The following ARB2A variants were observed in gnomAD, a reference collection of about 807,000 sequenced individuals.
ARB2A encodes the protein cotranscriptional regulator ARB2A.
the ARB2A span, among the ~76,000 whole-genome samples, chr5:93,655,801 C>CAT: frequency 1.3e-5 from 2 of 152,324 alleles, no homozygotes; most frequent in African/African-American, 4.8e-5. Flanking sequence ...GGAAGGGCCA[C>CAT]ATATGACAAC....
chr5:93,646,775 T>C, the ARB2A span, among the ~76,000 whole-genome samples: 1 of 152,050 alleles, frequency 6.6e-6, no homozygotes, highest in African/African-American at 2.4e-5. Context: ...AAAACAAATT[T>C]AAATATATAA....
chr5:93,693,055 G>T, the ARB2A span, among the ~76,000 whole-genome samples: 3 of 152,192 alleles, frequency 2.0e-5, no homozygotes, highest in African/African-American at 7.2e-5. Flanking sequence ...TGAAAGCAGT[G>T]TTTAGAGGGA....
At chr5:93,801,932 G>T in the ARB2A span, among the ~76,000 whole-genome samples, 2 of 151,984 alleles carry the variant, frequency 1.3e-5, no homozygotes, top group Admixed American at 6.6e-5. Context: ...AACCAGTAAA[G>T]AATTTTTAGA....
the ARB2A span, among the ~76,000 whole-genome samples, chr5:93,627,365 G>T: frequency 6.6e-6 from 1 of 151,782 alleles, no homozygotes; most frequent in Non-Finnish European, 1.5e-5. Context: ...TTTCCAGAAG[G>T]CTCTCTCAAT....
chr5:93,989,457 T>C, the ARB2A span, among the ~76,000 whole-genome samples: 1 of 152,178 alleles, frequency 6.6e-6, no homozygotes, highest in Non-Finnish European at 1.5e-5. Context: ...ATGTGATTTC[T>C]ATTCCACAGA....
At chr5:93,740,253 C>T in the ARB2A span, 4 of 218,224 alleles carry the variant, frequency 1.8e-5, no homozygotes, top group African/African-American at 9.2e-5. Flanking sequence ...CCTATGTTTA[C>T]TGATAACCAC....
the ARB2A span, among the ~76,000 whole-genome samples, chr5:93,728,540 G>GT: frequency 7.9e-5 from 12 of 151,896 alleles, no homozygotes; most frequent in East Asian, 1.9e-4. Context: ...CTGATTAACA[G>GT]TTTTTTTTAA....
At chr5:93,702,574 G>T in the ARB2A span, among the ~76,000 whole-genome samples, 8 of 152,088 alleles carry the variant, frequency 5.3e-5, no homozygotes, top group Admixed American at 3.3e-4. Flanking sequence ...CTAGTATTCA[G>T]AAAAGTATCT....
chr5:93,661,685 T>C, the ARB2A span, among the ~76,000 whole-genome samples: 1 of 151,980 alleles, frequency 6.6e-6, no homozygotes, highest in African/African-American at 2.4e-5. Context: ...AAAACTCTCA[T>C]AATGTTTTTA....
chr5:94,014,164 C>G, the ARB2A span, among the ~76,000 whole-genome samples: 4 of 152,280 alleles, frequency 2.6e-5, no homozygotes, highest in South Asian at 8.3e-4. Flanking sequence ...CCAAATGAGA[C>G]ACCGAATCAA....
the ARB2A span, among the ~76,000 whole-genome samples, chr5:93,756,651 C>A: frequency 6.6e-6 from 1 of 152,106 alleles, no homozygotes; most frequent in Non-Finnish European, 1.5e-5. Context: ...TTACAGGAAA[C>A]CACATCCATA....
chr5:94,030,856 T>C, the ARB2A span, among the ~76,000 whole-genome samples: 1 of 152,260 alleles, frequency 6.6e-6, no homozygotes, highest in Non-Finnish European at 1.5e-5. Context: ...TAAAACGAGG[T>C]TGCCTCTCAT....
chr5:93,686,314 C>T, the ARB2A span, among the ~76,000 whole-genome samples: 1 of 152,180 alleles, frequency 6.6e-6, no homozygotes, highest in African/African-American at 2.4e-5. Flanking sequence ...CTTCAACATT[C>T]CCATGAATAA....
At chr5:94,083,200 A>C in the ARB2A span, among the ~76,000 whole-genome samples, 1 of 152,208 alleles carries the variant, frequency 6.6e-6, no homozygotes, top group Non-Finnish European at 1.5e-5. Flanking sequence ...GCTTAAACAC[A>C]GTATGCCAAA....
chr5:94,106,655 A>C, the ARB2A span, among the ~76,000 whole-genome samples: 1 of 152,056 alleles, frequency 6.6e-6, no homozygotes, highest in African/African-American at 2.4e-5. Context: ...AAATCATTCT[A>C]ATAAAAAGAC....
the ARB2A span, among the ~76,000 whole-genome samples, chr5:94,073,181 T>C: frequency 6.6e-6 from 1 of 152,248 alleles, no homozygotes; most frequent in South Asian, 2.1e-4. Flanking sequence ...GTCTTCCTGT[T>C]AAGTTTAGAA....
chr5:93,876,554 T>C, the ARB2A span, among the ~76,000 whole-genome samples: 2 of 152,224 alleles, frequency 1.3e-5, no homozygotes, highest in African/African-American at 4.8e-5. Flanking sequence ...AATAAAATTA[T>C]ACTTTGCTAA....
chr5:93,866,041 T>C, the ARB2A span: 1 of 983,316 alleles, frequency 1.0e-6, no homozygotes, highest in East Asian at 1.1e-4. Context: ...CTAAATAATC[T>C]ATAATATGCT....
At chr5:93,717,948 C>A in the ARB2A span, among the ~76,000 whole-genome samples, 2 of 151,634 alleles carry the variant, frequency 1.3e-5, no homozygotes, top group Non-Finnish European at 2.9e-5. Context: ...GATTCTCCTG[C>A]CTCAGCCTCC....
Sources: gnomAD v4.1 joint callset for allele counts (sites outside exome capture counted in the v4.1 genomes callset) on GRCh38, gnomAD v4.1.1 for gene constraint, MANE v1.5 for transcripts, NCBI Gene and HGNC (gene_info 2026-07-23, HGNC 2026-07-21) for gene names.